The following LOXL2 variants were observed in gnomAD, a reference collection of about 807,000 sequenced individuals.
LOXL2 encodes the protein lysyl oxidase homolog 2.
Under a neutral mutation model 93.0 loss-of-function variants are expected in LOXL2, and 70 were observed. That is an observed-to-expected ratio of 0.75 (90% CI 0.62 to 0.92). LOXL2 has a LOEUF of 0.92. Among genes scored for constraint, LOXL2 ranks in the 40% least tolerant of loss-of-function variants. The pLI is 0.00. For synonymous variants in LOXL2, 438 were observed against 413.2 expected, an observed-to-expected ratio of 1.06 and a Z score of -0.73; for missense variants, 973 against 1,054.9, an observed-to-expected ratio of 0.92 and a Z score of 1.08.
At chr8:23,340,359 C>T (rs1297132975) in intron 4 of LOXL2, among the ~76,000 whole-genome samples, 1 of 152,116 alleles carries the variant, frequency 6.6e-6, no homozygotes, top group African/African-American at 2.4e-5. Flanking sequence ...CAGCCATCAG[C>T]TTGTTGGGGT....
At chr8:23,384,214 G>A (rs555464161) in intron 1 of LOXL2, among the ~76,000 whole-genome samples, 1 of 152,312 alleles carries the variant, frequency 6.6e-6, no homozygotes, top group East Asian at 1.9e-4. Flanking sequence ...CAGGAATTAT[G>A]GGTTATAAGG....
At chr8:23,304,060 A>G (rs1481393604) in intron 10 of LOXL2, among the ~76,000 whole-genome samples, 1 of 152,240 alleles carries the variant, frequency 6.6e-6, no homozygotes, top group African/African-American at 2.4e-5. Context: ...CAAATAAAGC[A>G]GGGAGGAGCA....
At chr8:23,376,675 T>C (rs1192637808) in intron 1 of LOXL2, among the ~76,000 whole-genome samples, 1 of 152,206 alleles carries the variant, frequency 6.6e-6, no homozygotes, top group Non-Finnish European at 1.5e-5. Context: ...TGGGAGAGTG[T>C]ATGTGTCCAG....
chr8:23,347,009 T>A (rs1804000904), intron 3 of LOXL2, among the ~76,000 whole-genome samples: 1 of 152,214 alleles, frequency 6.6e-6, no homozygotes, highest in Non-Finnish European at 1.5e-5. Flanking sequence ...TGCAGCTTTC[T>A]TACTTTGGCT....
At chr8:23,326,465 C>T (rs958401010) in intron 6 of LOXL2, among the ~76,000 whole-genome samples, 2 of 152,228 alleles carry the variant, frequency 1.3e-5, no homozygotes, top group Middle Eastern at 3.4e-3. Flanking sequence ...TAGTCAAGAT[C>T]CAGGGAGGCC....
rs75236275 is a variant in LOXL2, at chr8:23,393,859, C to G, written c.-84+10095G>C. ...ATTGTCTATTTGCATGTCTGTTTCT[C>G]TTTTAAGCTGGTGATCCCTCTAGAG... On this transcript the variant is annotated intron_variant, in intron 1 of 13. Coordinates refer to ENST00000389131, the MANE Select transcript of LOXL2 (RefSeq NM_002318.3). 1.1e-3 allele frequency among the ~76,000 whole-genome samples: 165 copies of G among 152,258 alleles called. 1 individual carries two copies. The East Asian group carries it at 0.017, about 15-fold the overall frequency.
At chr8:23,386,008 A>G in intron 1 of LOXL2, 1 of 765,332 alleles carries the variant, frequency 1.3e-6, no homozygotes. Context: ...AGCTTTGGAC[A>G]ACCCCCTGAG....
chr8:23,318,062 G>T (rs913938807), intron 8 of LOXL2, among the ~76,000 whole-genome samples: 3 of 108,912 alleles, frequency 2.8e-5, no homozygotes, highest in Admixed American at 8.8e-5. Context: ...AGATGCTTAC[G>T]TGAGGCTGTT....
chr8:23,375,368 G>A (rs1446834826), intron 1 of LOXL2, among the ~76,000 whole-genome samples: 9 of 152,134 alleles, frequency 5.9e-5, no homozygotes, highest in Non-Finnish European at 1.3e-4. Context: ...ATAGTTTGAA[G>A]TCAGGTAGCT....
intron 1 of LOXL2, among the ~76,000 whole-genome samples, chr8:23,388,623 TCACACACACACACACACACACACACACA>T (rs10522826): frequency 6.3e-5 from 9 of 142,822 alleles, no homozygotes; most frequent in Non-Finnish European, 9.1e-5. Flanking sequence ...AAAAATATAC[TCACACACACACACACACACACACACACA>T]CACACACACA....
At chr8:23,359,595 G>C (rs958308928) in intron 3 of LOXL2, among the ~76,000 whole-genome samples, 3 of 152,166 alleles carry the variant, frequency 2.0e-5, no homozygotes, top group African/African-American at 7.2e-5. Context: ...AGACGCTGAG[G>C]AGAATCAAGT....
chr8:23,340,620 C>A (rs1253897127), intron 4 of LOXL2, among the ~76,000 whole-genome samples: 1 of 152,200 alleles, frequency 6.6e-6, no homozygotes, highest in Non-Finnish European at 1.5e-5. Flanking sequence ...TGTCTGTGCC[C>A]AGCCTGGCCA....
At position 23,298,830 on chromosome 8, in the gene LOXL2, C is replaced by A. The variant is rs373778912; in HGVS notation, c.2245+6G>T. On this transcript the variant is annotated splice_donor_region_variant and intron_variant, in intron 13 of 13. Transcript: ENST00000389131. ...GCTTCCTGGAGTGGGGGCGGCCTGG[C>A]CTTACCTATGTGGCAGTTGTACATC... 256 of 1,594,512 alleles carry A rather than the reference C, an allele frequency of 1.6e-4. No homozygotes were observed. Among genetic ancestry groups the A allele is most frequent in the Non-Finnish European group, 2.1e-4 (247 of 1,162,628 alleles).
rs1425556300 is a variant in LOXL2, at chr8:23,319,870, G to GT, written c.1470+14_1470+15insA. 6.2e-7 allele frequency: 1 copy of GT among 1,611,524 alleles called. No individual in the cohort carries two copies. The highest frequency in any genetic ancestry group is 1.7e-5 in the Admixed American group (1 of 59,968). On this transcript the variant is annotated intron_variant, in intron 8 of 13. Transcript: ENST00000389131. ...ATGGGGGGTGAATGCGGGGTCTGAGGCCGGGGCTTCTCACCTGGAAGGCGT... is the reference window on the plus strand; with the variant it reads ...ATGGGGGGTGAATGCGGGGTCTGAGGTCCGGGGCTTCTCACCTGGAAGGCGT...
At chr8:23,339,774 T>C (rs1257641114) in intron 4 of LOXL2, among the ~76,000 whole-genome samples, 1 of 152,224 alleles carries the variant, frequency 6.6e-6, no homozygotes, top group Non-Finnish European at 1.5e-5. Context: ...GTCTGGGCCA[T>C]GTCTGGGGAC....
chr8:23,353,175 AG>A (rs1021579634), intron 3 of LOXL2, among the ~76,000 whole-genome samples: 6 of 152,138 alleles, frequency 3.9e-5, no homozygotes, highest in Non-Finnish European at 1.5e-5. Context: ...TTTACTGAGT[AG>A]GGCATCTGGA....
At chr8:23,307,357 T>C (rs1315604523) in intron 10 of LOXL2, among the ~76,000 whole-genome samples, 1 of 152,136 alleles carries the variant, frequency 6.6e-6, no homozygotes, top group Non-Finnish European at 1.5e-5. Flanking sequence ...GACCAGAAGG[T>C]ACATGTGCTC....
chr8:23,347,168 AACACACAC>A (rs60464587), intron 3 of LOXL2, among the ~76,000 whole-genome samples: 24,494 of 141,628 alleles, frequency 0.17, 2,174 homozygotes, highest in Middle Eastern at 0.24. Context: ...AACACACACA[AACACACAC>A]ACACACACAC....
chr8:23,309,561 A>G lies in LOXL2; in HGVS notation c.1880+107T>C, dbSNP rs1182253549. On this transcript the variant is annotated intron_variant, in intron 10 of 13. Transcript: ENST00000389131. ...CTTAGGAGGATCCTATCCCCAGGCC[A>G]TGCAGCCTCTTGGCTCTAAGTGACC... 3 of 1,252,802 alleles carry G rather than the reference A, an allele frequency of 2.4e-6. No individual in the cohort carries two copies. The South Asian group carries it at 6.8e-5, about 29-fold the overall frequency. The allele number at this position is 1,252,802 out of a possible 1,614,324, so 77.6% of individuals were successfully genotyped here. A position where few individuals can be genotyped will look rare whatever the true frequency, so the allele number is the denominator to read the frequency against.
Sources: gnomAD v4.1 joint callset for allele counts (sites outside exome capture counted in the v4.1 genomes callset) on GRCh38, gnomAD v4.1.1 for gene constraint, MANE v1.5 for transcripts, NCBI Gene and HGNC (gene_info 2026-07-23, HGNC 2026-07-21) for gene names.